The following GRM3 variants were observed in gnomAD, a reference collection of about 807,000 sequenced individuals.
The protein encoded by GRM3 is glutamate metabotropic receptor 3.
A neutral mutation model predicts 70.5 loss-of-function variants in GRM3; 26 were observed. That is an observed-to-expected ratio of 0.37 (90% CI 0.27 to 0.51). GRM3 has a LOEUF of 0.51. Ranked by LOEUF, GRM3 falls within the 20% of genes least tolerant of loss-of-function variation. The probability of loss-of-function intolerance (pLI) is 0.93; values close to 1 mark genes in which losing one functional copy is unlikely to be tolerated. For synonymous variants in GRM3, 443 were observed against 434.9 expected (o/e 1.02, Z -0.23); for missense variants, 859 against 1,123.8 (o/e 0.76, Z 3.37).
chr7:86,795,641 G>A (rs1030901100), intron 3 of GRM3, among the ~76,000 whole-genome samples: 1 of 152,088 alleles, frequency 6.6e-6, no homozygotes, highest in Non-Finnish European at 1.5e-5. Flanking sequence ...TGGTGTATAT[G>A]TACCACATTT....
chr7:86,825,187 G>T (rs1318252508), intron 3 of GRM3, among the ~76,000 whole-genome samples: 1 of 152,116 alleles, frequency 6.6e-6, no homozygotes, highest in Non-Finnish European at 1.5e-5. Flanking sequence ...TTTAGCTCCC[G>T]CTTATAAGTG....
chr7:86,765,673 G>T, intron 2 of GRM3, 60 bp downstream of exon 2: 2 of 1,359,676 alleles, frequency 1.5e-6, no homozygotes, highest in South Asian at 1.3e-5. Flanking sequence ...TGTGTTGGGG[G>T]AACAAAAGGA....
intron 1 of GRM3, among the ~76,000 whole-genome samples, chr7:86,744,255 A>G (rs753568153): frequency 6.6e-6 from 1 of 151,990 alleles, no homozygotes; most frequent in Non-Finnish European, 1.5e-5. Context: ...GCTTTACATG[A>G]AAGAGTGTGC....
chr7:86,740,887 T>C (rs1198516251), intron 1 of GRM3, among the ~76,000 whole-genome samples: 1 of 152,226 alleles, frequency 6.6e-6, no homozygotes, highest in Non-Finnish European at 1.5e-5. Context: ...GGTAGTCTAT[T>C]ACTTAGCACA....
intron 1 of GRM3, among the ~76,000 whole-genome samples, chr7:86,678,919 G>C (rs1368910022): frequency 1.3e-5 from 2 of 151,960 alleles, no homozygotes; most frequent in African/African-American, 4.8e-5. Flanking sequence ...TGGTTTTTAG[G>C]CTTCTAATTC....
intron 1 of GRM3, among the ~76,000 whole-genome samples, chr7:86,750,851 G>A (rs1266565179): frequency 6.6e-6 from 1 of 152,048 alleles, no homozygotes; most frequent in African/African-American, 2.4e-5. Context: ...CTTGGCGAAA[G>A]CTTGAGTACA....
intron 1 of GRM3, 107 bp downstream of exon 1, chr7:86,644,979 A>G (rs1482272802): frequency 2.1e-6 from 1 of 466,838 alleles, no homozygotes; most frequent in Non-Finnish European, 3.8e-6. Context: ...GAGGTAGAGC[A>G]TGGACCAGTC....
At chr7:86,675,007 C>T (rs1794270999) in intron 1 of GRM3, among the ~76,000 whole-genome samples, 1 of 152,098 alleles carries the variant, frequency 6.6e-6, no homozygotes, top group Non-Finnish European at 1.5e-5. Flanking sequence ...TGTAAAATAA[C>T]TTTTCTATTA....
intron 1 of GRM3, among the ~76,000 whole-genome samples, chr7:86,724,237 A>G (rs1000732461): frequency 2.6e-5 from 4 of 152,112 alleles, no homozygotes; most frequent in African/African-American, 9.7e-5. Context: ...AAATAGTAGG[A>G]TGGTTGCTGA....
intron 5 of GRM3, among the ~76,000 whole-genome samples, chr7:86,861,651 T>C (rs959897351): frequency 2.0e-5 from 3 of 151,972 alleles, no homozygotes; most frequent in African/African-American, 7.2e-5. Context: ...AGGCAGAAAG[T>C]TGAGAAACAG....
At chr7:86,737,775 T>C (rs1196307090) in intron 1 of GRM3, among the ~76,000 whole-genome samples, 1 of 151,918 alleles carries the variant, frequency 6.6e-6, no homozygotes, top group Admixed American at 6.6e-5. Context: ...CAGAATATAA[T>C]ACAAAATAAA....
Position 86,765,450 on chromosome 7 carries a change from A to C in GRM3, c.305A>C (p.Asp102Ala). The change falls in exon 2 of 6, where the codon GAT (aspartate) becomes GCT (alanine). Residue 102 changes from aspartate (D) to alanine (A), a missense_variant. Transcript: ENST00000361669. ...GVHILDTCSRDTYALEQSLEF... is the reference protein window; with the variant it reads ...GVHILDTCSRATYALEQSLEF... ...CACATTTTGGATACATGTTCAAGGG[A>C]TACCTATGCATTGGAGCAATCACTG... is the stretch of plus-strand genomic sequence containing the variant. The C allele has an allele frequency of 6.2e-7, 1 of 1,613,964 alleles. No homozygotes were observed. Among genetic ancestry groups the C allele is most frequent in the Non-Finnish European group, 8.5e-7 (1 of 1,179,890 alleles).
intron 1 of GRM3, among the ~76,000 whole-genome samples, chr7:86,705,732 G>A (rs1386609471): frequency 6.6e-6 from 1 of 152,014 alleles, no homozygotes; most frequent in Non-Finnish European, 1.5e-5. Context: ...GTTTAGCCAA[G>A]TTCTAGTTTT....
intron 2 of GRM3, among the ~76,000 whole-genome samples, chr7:86,770,906 T>G (rs936734307): frequency 2.0e-5 from 3 of 152,122 alleles, no homozygotes; most frequent in Non-Finnish European, 4.4e-5. Flanking sequence ...GATATAAGGC[T>G]GTCCTGTACA....
At chr7:86,864,015 AT>A (rs887447126) in intron 5 of GRM3, among the ~76,000 whole-genome samples, 21 of 149,884 alleles carry the variant, frequency 1.4e-4, no homozygotes, top group African/African-American at 4.0e-4. Flanking sequence ...ATTTAATTTT[AT>A]TTTTTTTCAC....
At position 86,786,038 on chromosome 7, in the gene GRM3, T is replaced by G; in HGVS notation, c.469-223T>G. ...CCTTCTCATTTCTCTACTCTGCCCTTTCCTGAAGCACACACTACCTGTGTG... is the reference window on the plus strand; with the variant it reads ...CCTTCTCATTTCTCTACTCTGCCCTGTCCTGAAGCACACACTACCTGTGTG... On this transcript the variant is annotated intron_variant, in intron 2 of 5. Coordinates refer to ENST00000361669, the MANE Select transcript of GRM3 (RefSeq NM_000840.3). This position sits in a 1 kb window ranked among gnomAD's most constrained non-coding sequence, Gnocchi z 6.0. 1.8e-6 allele frequency: 1 copy of G among 553,848 alleles called. No individual in the cohort carries two copies. The highest frequency in any genetic ancestry group is 3.3e-6 in the Non-Finnish European group (1 of 304,758). The allele number at this position is 553,848 out of a possible 1,614,324, so 34.3% of individuals were successfully genotyped here.
chr7:86,656,171 A>G (rs1213674653), intron 1 of GRM3, among the ~76,000 whole-genome samples: 3 of 151,862 alleles, frequency 2.0e-5, no homozygotes, highest in Non-Finnish European at 4.4e-5. Flanking sequence ...CTGCCAAAGC[A>G]TCAAAGATTT....
chr7:86,842,698 AATAAAC>A (rs1798580026), intron 4 of GRM3, among the ~76,000 whole-genome samples: 1 of 152,216 alleles, frequency 6.6e-6, no homozygotes, highest in Admixed American at 6.6e-5. Context: ...GTGAGTTATA[AATAAAC>A]ATAAGGCATG....
In GRM3 at chr7:86,688,886, T is replaced by A. The variant is rs116227472; in HGVS notation, c.-141+44014T>A. Among the ~76,000 whole-genome samples the A allele has an allele frequency of 2.7e-3, 395 of 148,718 alleles. 3 individuals carry two copies. Among genetic ancestry groups the A allele is most frequent in the African/African-American group, 9.3e-3 (380 of 40,942 alleles). ...TAAAATGAATATCCTAAGTCTTAGA[T>A]GTTCACAAAGGGTTAAGGAATACAA... On this transcript the variant is annotated intron_variant, in intron 1 of 5. Transcript: ENST00000361669.
Sources: allele counts gnomAD v4.1 joint callset (sites outside exome capture counted in the v4.1 genomes callset), GRCh38; gene constraint gnomAD v4.1.1; non-coding constraint Gnocchi (gnomAD v3.1); transcripts MANE v1.5; gene names NCBI Gene and HGNC (gene_info 2026-07-23, HGNC 2026-07-21).